The following SLC6A9 variants were observed in gnomAD, a reference collection of about 807,000 sequenced individuals.
SLC6A9 encodes solute carrier family 6 member 9.
A neutral mutation model predicts 70.9 loss-of-function variants in SLC6A9; 31 were observed. The ratio of observed to expected loss-of-function variants is 0.44; its 90% CI spans 0.33 to 0.59. The LOEUF is 0.59. Among genes scored for constraint, SLC6A9 ranks in the 20% least tolerant of loss-of-function variants. The pLI, the probability that SLC6A9 is intolerant of heterozygous loss-of-function variation, is 0.04. For missense variants in SLC6A9, 631 were observed against 845.2 expected, an observed-to-expected ratio of 0.75 and a Z score of 3.14; for synonymous variants, 310 against 341.3, an observed-to-expected ratio of 0.91 and a Z score of 1.01.
In SLC6A9 at chr1:44,024,230, T is replaced by C. The variant is rs1208688988; in HGVS notation, c.30+18A>G. ...TTGGGACTCCCGTTCCTTCCCGCAG[T>C]CTGGCCTCTGTACTCACCAGCATCC... On this transcript the variant is annotated intron_variant, in intron 2 of 13. Transcript: ENST00000372310. The C allele has an allele frequency of 1.9e-6, 3 of 1,613,826 alleles. No individual in the cohort carries two copies. In the South Asian group the frequency reaches 3.3e-5, roughly 18 times the overall value.
At chr1:44,019,524 C>A (rs58054032) in intron 2 of SLC6A9, among the ~76,000 whole-genome samples, 13,708 of 152,326 alleles carry the variant, frequency 0.09, 1,856 homozygotes, top group African/African-American at 0.3. Context: ...AGGAAGGTCC[C>A]GTCACCCATG....
At position 44,018,618 on chromosome 1, in the gene SLC6A9, TAA is replaced by T. The variant is rs373972726; in HGVS notation, c.30+5628_30+5629del. ...TCTAAAATAATAATAATAATAATAA[TAA>T]TAATAATAATAATAATAAATAAAAA... On this transcript the variant is annotated intron_variant, in intron 2 of 13. Coordinates refer to ENST00000372310, the MANE Select transcript of SLC6A9 (RefSeq NM_001024845.3). This position sits in a 1 kb window ranked among gnomAD's most constrained non-coding sequence, Gnocchi z 4.2. Among the ~76,000 whole-genome samples, 1,513 of 147,652 alleles carry T rather than the reference TAA, an allele frequency of 0.01. 21 individuals carry two copies. The highest frequency in any genetic ancestry group is 0.036 in the African/African-American group (1,458 of 40,486).
In SLC6A9 at chr1:44,001,047, G is replaced by A. The variant is rs1315209282; in HGVS notation, c.1344C>T (p.Ile448=). 1.9e-6 allele frequency: 3 copies of A among 1,587,182 alleles called. No homozygotes were observed. In the South Asian group the frequency reaches 3.5e-5, roughly 18 times the overall value. The change falls in exon 11 of 14, where the codon ATC becomes ATT. Residue 448 remains isoleucine (I), a synonymous_variant. Coordinates refer to ENST00000372310, the MANE Select transcript of SLC6A9 (RefSeq NM_001024845.3). The part of the protein sequence containing the change: ...LGIPLTSQAG[I]YWLLLMDNYA... ...AGTTGTCCATCAGCAGCAGCCAATA[G>A]ATGCCTGCCTGGGGAACAGCGGGCA...
intron 1 of SLC6A9, among the ~76,000 whole-genome samples, chr1:44,031,040 G>A (rs1373128446): frequency 2.2e-5 from 1 of 45,022 alleles, no homozygotes; most frequent in Non-Finnish European, 4.3e-5. Flanking sequence ...TCTCCCTCCC[G>A]CTTCAGCTCC....
chr1:44,001,837 C>T (rs1417574362), intron 8 of SLC6A9, among the ~76,000 whole-genome samples: 1 of 152,164 alleles, frequency 6.6e-6, no homozygotes, highest in Non-Finnish European at 1.5e-5. Flanking sequence ...AAGCAATCCT[C>T]CCACCTCAGC....
rs150135550 is a variant in SLC6A9 at position 44,000,792 on chromosome 1, C to A, written c.1511G>T (p.Arg504Leu). The change falls in exon 12 of 14, where the codon CGC becomes CTC. Residue 504 changes from arginine to leucine, a missense_variant. Coordinates refer to ENST00000372310, the MANE Select transcript of SLC6A9 (RefSeq NM_001024845.3). ...PPPLFFQICWRFVSPAIIFFI... is the reference protein window; with the variant it reads ...PPPLFFQICWLFVSPAIIFFI... Reference sequence around the variant, plus strand: ...GAAGATGATGGCGGGAGAGACGAAGCGCCAGCAGATCTGAAAGAAGAGGGG... The same window carrying A: ...GAAGATGATGGCGGGAGAGACGAAGAGCCAGCAGATCTGAAAGAAGAGGGG... 6.2e-7 allele frequency: 1 copy of A among 1,610,130 alleles called. No individual in the cohort carries two copies. Among genetic ancestry groups the A allele is most frequent in the Non-Finnish European group, 8.5e-7 (1 of 1,178,034 alleles).
chr1:44,019,657 G>A (rs2086843915), intron 2 of SLC6A9, among the ~76,000 whole-genome samples: 1 of 152,264 alleles, frequency 6.6e-6, no homozygotes, highest in Non-Finnish European at 1.5e-5. Flanking sequence ...CATGGGGACA[G>A]GAGGCGGCAG....
chr1:44,022,001 G>A (rs1049730743), intron 2 of SLC6A9, among the ~76,000 whole-genome samples: 1 of 152,250 alleles, frequency 6.6e-6, no homozygotes. Context: ...CAGATGCTAT[G>A]GGCCTCAAAC....
chr1:44,030,490 T>G (rs1421999878), intron 1 of SLC6A9: 1 of 150,156 alleles, frequency 6.7e-6, no homozygotes, highest in East Asian at 2.0e-4. Context: ...CGGCCGGGGG[T>G]GGGCTCTCCA....
At chr1:44,004,081 G>A (rs1323182060) in intron 5 of SLC6A9, among the ~76,000 whole-genome samples, 4 of 151,000 alleles carry the variant, frequency 2.6e-5, no homozygotes, top group South Asian at 2.1e-4. Flanking sequence ...TGCAACCTCC[G>A]TCTCCCAGGT....
rs200257372 is a variant in SLC6A9, at chr1:44,000,866, C to G, written c.1437G>C (p.Gly479=). ...IMCVAIMYIY[G]HRNYFQDIQM... ...GGATGTCCTGGAAGTAGTTCCGGTG[C>G]CCTGGAGAGATGGGGGGTCAGCAGA... Residue 479 remains glycine (G), a splice_region_variant and synonymous_variant, in exon 12 of 14, where the codon GGG becomes GGC. Coordinates refer to ENST00000372310, the MANE Select transcript of SLC6A9 (RefSeq NM_001024845.3). 3.4e-5 allele frequency: 55 copies of G among 1,605,396 alleles called. No homozygotes were observed. Among genetic ancestry groups the G allele is most frequent in the Non-Finnish European group, 4.4e-5 (52 of 1,175,708 alleles).
rs560898659 is a variant in SLC6A9, at chr1:44,015,134, A to C, written c.31-4252T>G. Among the ~76,000 whole-genome samples, 16 of 152,294 alleles carry C rather than the reference A, an allele frequency of 1.1e-4. No individual in the cohort carries two copies. The East Asian group carries it at 3.1e-3, about 29-fold the overall frequency. On this transcript the variant is annotated intron_variant, in intron 2 of 13. Coordinates refer to ENST00000372310, the MANE Select transcript of SLC6A9 (RefSeq NM_001024845.3). Reference sequence around the variant, plus strand: ...AAAGCATAATAAGCTATCACACACAAAAAAATTAGAAAATACAGAAAAAGG... The same window carrying C: ...AAAGCATAATAAGCTATCACACACACAAAAATTAGAAAATACAGAAAAAGG...
chr1:44,001,420 G>T lies in SLC6A9; in HGVS notation c.1170C>A (p.Phe390Leu). ...ISPLWSLLFF[F>L]MLILLGLGTQ... is the part of the protein sequence containing the mutation. Reference sequence around the variant, plus strand: ...TGCCCAGCCCCAGCAGGATAAGCATGAAGAAGAAGAGCAGAGACCACAGCG... The same window carrying T: ...TGCCCAGCCCCAGCAGGATAAGCATTAAGAAGAAGAGCAGAGACCACAGCG... The change falls in exon 9 of 14, where the codon TTC becomes TTA. Residue 390 changes from phenylalanine (F) to leucine (L), a missense_variant. Physicochemically the swap from Phe to Leu is conservative, Grantham distance 22. Coordinates refer to ENST00000372310, the MANE Select transcript of SLC6A9 (RefSeq NM_001024845.3). The T allele has an allele frequency of 6.2e-7, 1 of 1,613,602 alleles. No individual in the cohort carries two copies. The highest frequency in any genetic ancestry group is 1.7e-4 in the Middle Eastern group (1 of 6,058).
intron 12 of SLC6A9, among the ~76,000 whole-genome samples, chr1:44,000,182 T>TG: frequency 6.6e-6 from 1 of 152,256 alleles, no homozygotes; most frequent in Non-Finnish European, 1.5e-5. Flanking sequence ...GGAAAGTGCC[T>TG]GCTTCCTTGC....
At position 44,008,619 on chromosome 1, in the gene SLC6A9, CA is replaced by C. The variant is rs1216068316; in HGVS notation, c.323del (p.Val108GlyfsTer5). Reference sequence around the variant, plus strand: ...TGGACACCACCATCATACCATAGCCCACTCCTGCAGGAGGGGAGGGGTGGGG... The same window carrying C: ...TGGACACCACCATCATACCATAGCCCCTCCTGCAGGAGGGGAGGGGTGGGG... ...VWRISPMFKG[V>X]GYGMMVVSTY... On this transcript the variant is annotated frameshift_variant, in exon 5 of 14. Coordinates refer to ENST00000372310, the MANE Select transcript of SLC6A9 (RefSeq NM_001024845.3). LOFTEE classifies it high-confidence loss of function. The C allele has an allele frequency of 6.2e-7, 1 of 1,613,046 alleles. No homozygotes were observed. The highest frequency in any genetic ancestry group is 8.5e-7 in the Non-Finnish European group (1 of 1,179,560).
chr1:43,998,985 G>GGT (rs976116439), intron 12 of SLC6A9, among the ~76,000 whole-genome samples: 19 of 151,448 alleles, frequency 1.3e-4, no homozygotes, highest in African/African-American at 1.2e-4. Context: ...CGGGGGAAGG[G>GGT]GGGGGGCAGT....
At chr1:44,025,238 C>T (rs1376098806) in intron 1 of SLC6A9, among the ~76,000 whole-genome samples, 2 of 151,142 alleles carry the variant, frequency 1.3e-5, no homozygotes, top group Non-Finnish European at 2.9e-5. Flanking sequence ...GTCGGGACCT[C>T]TGAAATGAGG....
chr1:44,001,632 T>G lies in SLC6A9; in HGVS notation c.963-5A>C, dbSNP rs138392182. 4.4e-6 allele frequency: 7 copies of G among 1,605,296 alleles called. No homozygotes were observed. In the South Asian group the frequency reaches 6.7e-5, roughly 15 times the overall value. ...ATGCTGATGATGACACTGTCCCTGA[T>G]GGGGAGGAAAACAGAGTTCAGCTTC... is the stretch of plus-strand genomic sequence containing the variant. On this transcript the variant is annotated splice_region_variant and splice_polypyrimidine_tract_variant and intron_variant, in intron 8 of 13. Transcript: ENST00000372310.
intron 1 of SLC6A9, among the ~76,000 whole-genome samples, chr1:44,029,912 G>A (rs1159306370): frequency 6.6e-6 from 1 of 152,122 alleles, no homozygotes; most frequent in African/African-American, 2.4e-5. Context: ...AACCTTTCAG[G>A]TTTTTCTCTT....
Sources: gnomAD v4.1 joint callset for allele counts (sites outside exome capture counted in the v4.1 genomes callset) on GRCh38, gnomAD v4.1.1 for gene constraint, Gnocchi (gnomAD v3.1) non-coding constraint, MANE v1.5 for transcripts, NCBI Gene and HGNC (gene_info 2026-07-23, HGNC 2026-07-21) for gene names.